COPG2: variants seen among roughly 807,000 people sequenced by gnomAD.
COPG2 encodes coat protein complex I subunit gamma 2.
A neutral mutation model predicts 46.3 loss-of-function variants in COPG2; 37 were observed. The observed-to-expected ratio is 0.80, with a 90% confidence interval of 0.61 to 1.05. COPG2 has a LOEUF of 1.05. Ranked by LOEUF, COPG2 falls within the 50% of genes least tolerant of loss-of-function variation. COPG2 has a pLI of 0.00. For missense variants in COPG2, 427 were observed against 387.8 expected (o/e 1.10, Z -0.85); for synonymous variants, 159 against 129.7 (o/e 1.23, Z -1.53).
intron 5 of COPG2, among the ~76,000 whole-genome samples, chr7:130,632,060 A>AT (rs1286098561): frequency 6.6e-6 from 1 of 152,132 alleles, no homozygotes; most frequent in Non-Finnish European, 1.5e-5. Flanking sequence ...TACTATCCAT[A>AT]TGTTGTTTTG....
intron 13 of COPG2, 25 bp downstream of exon 13, chr7:130,555,012 T>G (rs1201981803): frequency 1.9e-4 from 74 of 398,342 alleles, no homozygotes; most frequent in Non-Finnish European, 3.1e-5. Flanking sequence ...AGCAACTTCC[T>G]ATGATTAAAA....
intron 20 of COPG2, among the ~76,000 whole-genome samples, chr7:130,521,611 CA>C (rs1294108333): frequency 4.6e-5 from 7 of 152,160 alleles, no homozygotes; most frequent in African/African-American, 9.7e-5. Flanking sequence ...GCGAGGATGA[CA>C]TACTAAAAAA....
intron 5 of COPG2, among the ~76,000 whole-genome samples, chr7:130,628,504 T>A (rs1005412319): frequency 6.6e-6 from 1 of 152,304 alleles, no homozygotes; most frequent in Non-Finnish European, 1.5e-5. Flanking sequence ...ATTGTTCTAA[T>A]ATATTTTTAT....
chr7:130,658,570 T>C (rs993850523), intron 4 of COPG2, among the ~76,000 whole-genome samples: 10 of 151,900 alleles, frequency 6.6e-5, no homozygotes, highest in Admixed American at 6.5e-4. Flanking sequence ...AATAGTCCAG[T>C]AAATGAAAAG....
intron 20 of COPG2, among the ~76,000 whole-genome samples, chr7:130,542,617 G>A (rs1208792938): frequency 6.6e-6 from 1 of 152,066 alleles, no homozygotes; most frequent in African/African-American, 2.4e-5. Flanking sequence ...AAGATGAAAA[G>A]GAGTTTCTGG....
At chr7:130,571,028 T>A (rs1445151081) in intron 9 of COPG2, among the ~76,000 whole-genome samples, 2 of 152,280 alleles carry the variant, frequency 1.3e-5, no homozygotes, top group African/African-American at 4.8e-5. Flanking sequence ...TCCTCATCTC[T>A]CACCTTATAT....
chr7:130,590,101 GTTTA>G (rs375331815), intron 9 of COPG2, among the ~76,000 whole-genome samples: 158 of 152,190 alleles, frequency 1.0e-3, no homozygotes, highest in African/African-American at 3.5e-3. Context: ...TTGAGGTTCT[GTTTA>G]TTTAAGCCTT....
intron 20 of COPG2, among the ~76,000 whole-genome samples, chr7:130,525,639 A>G (rs1799766223): frequency 1.3e-5 from 2 of 152,226 alleles, no homozygotes; most frequent in Non-Finnish European, 2.9e-5. Flanking sequence ...GGATAGAGAT[A>G]TAGCTTACAG....
chr7:130,629,326 G>A (rs193238393), intron 5 of COPG2, among the ~76,000 whole-genome samples: 4 of 151,372 alleles, frequency 2.6e-5, no homozygotes, highest in African/African-American at 7.3e-5. Flanking sequence ...TTAATTTTGG[G>A]GAAAAAAATG....
At chr7:130,634,151 C>T (rs1440088312) in intron 5 of COPG2, among the ~76,000 whole-genome samples, 4 of 152,068 alleles carry the variant, frequency 2.6e-5, no homozygotes, top group African/African-American at 9.7e-5. Context: ...AGTCAGGTAG[C>T]GTGATGCCTC....
At chr7:130,564,606 C>T in intron 9 of COPG2, 1 of 369,830 alleles carries the variant, frequency 2.7e-6, no homozygotes, top group Non-Finnish European at 4.8e-6. Context: ...AGATTTGCAA[C>T]AATCCTGAAC....
chr7:130,519,747 A>G (rs1237761417), intron 20 of COPG2, among the ~76,000 whole-genome samples: 1 of 152,248 alleles, frequency 6.6e-6, no homozygotes, highest in Non-Finnish European at 1.5e-5. Context: ...ATAGCAAGTC[A>G]ATAAATGGGA....
At chr7:130,595,094 CA>C (rs1275996160) in intron 9 of COPG2, among the ~76,000 whole-genome samples, 1 of 151,808 alleles carries the variant, frequency 6.6e-6, no homozygotes, top group Non-Finnish European at 1.5e-5. Context: ...CATTAATAGC[CA>C]AAAAATGAAT....
chr7:130,629,316 T>A (rs1362817027), intron 5 of COPG2, among the ~76,000 whole-genome samples: 1 of 152,100 alleles, frequency 6.6e-6, no homozygotes, highest in Non-Finnish European at 1.5e-5. Flanking sequence ...TTGTCTGTAA[T>A]TAATTTTGGG....
intron 20 of COPG2, among the ~76,000 whole-genome samples, chr7:130,520,800 C>T (rs1799717643): frequency 6.6e-6 from 1 of 152,060 alleles, no homozygotes. Context: ...AATGTATATG[C>T]ATTTGTTATT....
chr7:130,555,656 G>A (rs1388333462), intron 12 of COPG2, among the ~76,000 whole-genome samples: 7 of 145,888 alleles, frequency 4.8e-5, no homozygotes, highest in Admixed American at 1.3e-4. Context: ...GTGAAATACC[G>A]TTTCTACTAA....
chr7:130,664,872 T>C (rs1227576094), intron 3 of COPG2, among the ~76,000 whole-genome samples: 2 of 152,146 alleles, frequency 1.3e-5, no homozygotes, highest in Non-Finnish European at 2.9e-5. Context: ...TGAACAGATA[T>C]ATTTTATTTA....
At chr7:130,609,171 G>A (rs186867885) in intron 9 of COPG2, among the ~76,000 whole-genome samples, 8 of 152,090 alleles carry the variant, frequency 5.3e-5, no homozygotes, top group South Asian at 2.1e-4. Flanking sequence ...ATGAGCCACC[G>A]CACCCAGCCC....
rs1046329818 is a variant in COPG2 at position 130,517,981 on chromosome 7, C to G, written c.2150-9322G>C. Among the ~76,000 whole-genome samples, 5 of 151,642 alleles carry G rather than the reference C, an allele frequency of 3.3e-5. No individual in the cohort carries two copies. In the East Asian group the frequency reaches 9.7e-4, roughly 30 times the overall value. Reference sequence around the variant, plus strand: ...GTGAAGAGCAGCGAAGGCCTGAATACGAGCAGGAGCCAGAAAACAGACTAG... The same window carrying G: ...GTGAAGAGCAGCGAAGGCCTGAATAGGAGCAGGAGCCAGAAAACAGACTAG... On this transcript the variant is annotated intron_variant, in intron 20 of 23. Transcript: ENST00000425248.
Sources: allele counts gnomAD v4.1 joint callset (sites outside exome capture counted in the v4.1 genomes callset), GRCh38; gene constraint gnomAD v4.1.1; transcripts MANE v1.5; gene names NCBI Gene and HGNC (gene_info 2026-07-23, HGNC 2026-07-21).